The following ZFPM2 variants were observed in gnomAD, a reference collection of about 807,000 sequenced individuals.
The protein encoded by ZFPM2 is zinc finger protein, FOG family member 2.
ZFPM2 carries 20 observed loss-of-function variants against 98.6 expected under a neutral mutation model. That is an observed-to-expected ratio of 0.20 (90% CI 0.14 to 0.29). The LOEUF (loss-of-function observed/expected upper bound fraction) is 0.29. Among genes scored for constraint, ZFPM2 ranks in the 10% least tolerant of loss-of-function variants. The pLI is 1.00. For synonymous variants in ZFPM2, 518 were observed against 502.7 expected (o/e 1.03, Z -0.41); for missense variants, 1,310 against 1,388.6 (o/e 0.94, Z 0.90).
chr8:105,463,295 G>A (rs62527180), intron 3 of ZFPM2, among the ~76,000 whole-genome samples: 25,812 of 129,700 alleles, frequency 0.2, 2,874 homozygotes, highest in African/African-American at 0.35. Flanking sequence ...ATGTGTGTGT[G>A]TATATATATA....
chr8:105,637,435 A>G lies in ZFPM2; in HGVS notation c.532+3078A>G, dbSNP rs989623427. 1.1e-4 allele frequency among the ~76,000 whole-genome samples: 16 copies of G among 152,270 alleles called. No homozygotes were observed. In the East Asian group the frequency reaches 1.7e-3, roughly 17 times the overall value. ...ATCGTAGCCCTCTTGAAAACTCACAATGGATGCTGCTATTAATGATCTAGA... is the reference window on the plus strand; with the variant it reads ...ATCGTAGCCCTCTTGAAAACTCACAGTGGATGCTGCTATTAATGATCTAGA... On this transcript the variant is annotated intron_variant, in intron 5 of 7. Transcript: ENST00000407775.
intron 3 of ZFPM2, among the ~76,000 whole-genome samples, chr8:105,466,431 A>G (rs1812797240): frequency 6.6e-6 from 1 of 152,106 alleles, no homozygotes; most frequent in Non-Finnish European, 1.5e-5. Flanking sequence ...TCAATTTTAA[A>G]GTTTCTCACA....
intron 6 of ZFPM2, among the ~76,000 whole-genome samples, chr8:105,793,436 A>G (rs1392530624): frequency 2.0e-5 from 3 of 151,970 alleles, no homozygotes; most frequent in African/African-American, 4.8e-5. Context: ...TGGCTTGTAG[A>G]GTTTCTGCCG....
intron 5 of ZFPM2, among the ~76,000 whole-genome samples, chr8:105,729,246 T>C (rs1345849651): frequency 1.3e-5 from 2 of 151,720 alleles, no homozygotes; most frequent in Non-Finnish European, 1.5e-5. Context: ...CTTTACCAAG[T>C]AGATTTAATA....
rs761299439 is a variant in ZFPM2 at position 105,625,969 on chromosome 8, TG to T, written c.421-8275del. Among the ~76,000 whole-genome samples, 878 of 125,576 alleles carry T rather than the reference TG, an allele frequency of 7.0e-3. 6 individuals carry two copies. The highest frequency in any genetic ancestry group is 0.022 in the African/African-American group (701 of 31,714). The allele number at this position is 125,576 out of a possible 152,430, so 82.4% of individuals were successfully genotyped here. ...TAGTTTAAAATGACACTCTATTTTC[TG>T]GAAAAAAAAAAAAGAGAAAGAAAGA... On this transcript the variant is annotated intron_variant, in intron 4 of 7. Transcript: ENST00000407775.
At chr8:105,477,664 AT>A (rs1425098492) in intron 3 of ZFPM2, among the ~76,000 whole-genome samples, 1 of 152,132 alleles carries the variant, frequency 6.6e-6, no homozygotes, top group Non-Finnish European at 1.5e-5. Context: ...ATACCTAATG[AT>A]TTTCTAACCA....
intron 4 of ZFPM2, among the ~76,000 whole-genome samples, chr8:105,625,008 C>G (rs1490474818): frequency 6.6e-6 from 1 of 152,154 alleles, no homozygotes; most frequent in African/African-American, 2.4e-5. Context: ...TGGAATTTCA[C>G]TCTCATGCTG....
At chr8:105,761,893 G>T (rs577129951) in intron 5 of ZFPM2, among the ~76,000 whole-genome samples, 52 of 151,992 alleles carry the variant, frequency 3.4e-4, no homozygotes, top group African/African-American at 1.1e-3. Context: ...TTAGCATAAG[G>T]ACTGAAGCAC....
At chr8:105,789,107 T>C (rs1285359192) in intron 6 of ZFPM2, 183 bp downstream of exon 6, 1 of 559,500 alleles carries the variant, frequency 1.8e-6, no homozygotes, top group Non-Finnish European at 3.0e-6. Flanking sequence ...TTTTATACTT[T>C]AAGTTTTAGG....
At chr8:105,782,933 C>G (rs1755701211) in intron 5 of ZFPM2, among the ~76,000 whole-genome samples, 2 of 152,014 alleles carry the variant, frequency 1.3e-5, no homozygotes, top group Non-Finnish European at 2.9e-5. Context: ...AATTTCACCT[C>G]TATAGAGAGT....
At chr8:105,329,060 T>C (rs1007229853) in intron 1 of ZFPM2, among the ~76,000 whole-genome samples, 2 of 151,898 alleles carry the variant, frequency 1.3e-5, no homozygotes, top group Non-Finnish European at 2.9e-5. Context: ...TCAAGTTGCT[T>C]AAGCTTCTGA....
intron 3 of ZFPM2, among the ~76,000 whole-genome samples, chr8:105,495,997 T>C (rs1215287892): frequency 2.0e-5 from 3 of 152,184 alleles, no homozygotes; most frequent in African/African-American, 4.8e-5. Flanking sequence ...TACGTAGCCA[T>C]ATTAGGATTA....
intron 5 of ZFPM2, among the ~76,000 whole-genome samples, chr8:105,683,044 T>C (rs1810645134): frequency 6.6e-6 from 1 of 152,110 alleles, no homozygotes; most frequent in Non-Finnish European, 1.5e-5. Context: ...TGTCCTTACA[T>C]GGTGGAAAGG....
chr8:105,581,667 A>G (rs1313672570), intron 4 of ZFPM2, among the ~76,000 whole-genome samples: 2 of 152,190 alleles, frequency 1.3e-5, no homozygotes, highest in Non-Finnish European at 2.9e-5. Flanking sequence ...TTCCCCTTCC[A>G]AGTTCATTGT....
chr8:105,456,806 G>A (rs1442106042), intron 3 of ZFPM2, among the ~76,000 whole-genome samples: 1 of 152,054 alleles, frequency 6.6e-6, no homozygotes, highest in African/African-American at 2.4e-5. Context: ...CTGAATGGCG[G>A]GGACTACAGG....
At chr8:105,586,084 T>C (rs555319820) in intron 4 of ZFPM2, among the ~76,000 whole-genome samples, 5 of 151,772 alleles carry the variant, frequency 3.3e-5, no homozygotes, top group African/African-American at 1.2e-4. Flanking sequence ...AAATGGGGAA[T>C]GTAATTAATG....
intron 3 of ZFPM2, among the ~76,000 whole-genome samples, chr8:105,541,708 G>GTTA (rs970618337): frequency 6.6e-6 from 1 of 152,100 alleles, no homozygotes; most frequent in African/African-American, 2.4e-5. Flanking sequence ...TTTAGGAAAT[G>GTTA]TATAATCTTA....
Position 105,788,863 on chromosome 8 carries a change from A to C in ZFPM2, c.678A>C (p.Ser226=), listed in dbSNP as rs1171120032. Reference sequence around the variant, plus strand: ...TGTACCCTGCACGCCTGCTGGACTCAATTCAGCTGCTTCCTCAGCAAGCTG... The same window carrying C: ...TGTACCCTGCACGCCTGCTGGACTCCATTCAGCTGCTTCCTCAGCAAGCTG... ...EGMYPARLLD[S]IQLLPQQAAM... Residue 226 remains serine (S), a synonymous_variant, in exon 6 of 8, where the codon TCA becomes TCC. Transcript: ENST00000407775. The C allele has an allele frequency of 1.2e-6, 2 of 1,613,706 alleles. No homozygotes were observed. The highest frequency in any genetic ancestry group is 1.1e-5 in the South Asian group (1 of 91,064).
Position 105,704,291 on chromosome 8 carries a change from A to C in ZFPM2, c.532+69934A>C, listed in dbSNP as rs754635404. Among the ~76,000 whole-genome samples the C allele has an allele frequency of 7.9e-5, 12 of 152,326 alleles. 1 individual carries two copies. Among genetic ancestry groups the C allele is most frequent in the South Asian group, 4.1e-4 (2 of 4,828 alleles). ...ATTGGACTACTTTAAATCAACAAAAATTAGAAAACTATCTGTTCTAAATCC... is the reference window on the plus strand; with the variant it reads ...ATTGGACTACTTTAAATCAACAAAACTTAGAAAACTATCTGTTCTAAATCC... On this transcript the variant is annotated intron_variant, in intron 5 of 7. Transcript: ENST00000407775.
Sources: allele counts gnomAD v4.1 joint callset (sites outside exome capture counted in the v4.1 genomes callset), GRCh38; gene constraint gnomAD v4.1.1; transcripts MANE v1.5; gene names NCBI Gene and HGNC (gene_info 2026-07-23, HGNC 2026-07-21).